Variants in UNC13A observed in about 807,000 individuals in gnomAD.
UNC13A encodes the protein protein unc-13 homolog A.
Under a neutral mutation model 219.7 loss-of-function variants are expected in UNC13A, and 61 were observed. That is an observed-to-expected ratio of 0.28 (90% CI 0.23 to 0.34). The LOEUF is 0.34. Among genes scored for constraint, UNC13A ranks in the 10% least tolerant of loss-of-function variants. The probability of loss-of-function intolerance (pLI) is 1.00; values close to 1 mark genes in which losing one functional copy is unlikely to be tolerated. For synonymous variants in UNC13A, 920 were observed against 884.6 expected (o/e 1.04, Z -0.71); for missense variants, 1,476 against 2,270.3 (o/e 0.65, Z 7.11).
chr19:17,623,205 G>A (rs777224910), intron 36 of UNC13A: 78 of 332,730 alleles, frequency 2.3e-4, no homozygotes, highest in Non-Finnish European at 3.0e-4. Context: ...GCTTCAGGGC[G>A]TCTGGTGACA....
In UNC13A at chr19:17,632,906, GC is replaced by G; in HGVS notation, c.3303del (p.Glu1101AspfsTer14). 6.2e-7 allele frequency: 1 copy of G among 1,613,916 alleles called. No homozygotes were observed. The highest frequency in any genetic ancestry group is 8.5e-7 in the Non-Finnish European group (1 of 1,179,892). ...FAQDMKYAMEEHDKHRLCKSA... is the reference protein window; with the variant it reads ...FAQDMKYAMEXHDKHRLCKSA... The stretch of plus-strand genomic sequence containing the variant: ...CTCTTGCATAGACGATGCTTGTCGT[GC>G]TCTGGCCAGGGACAAAGAGGATGGC... On this transcript the variant is annotated frameshift_variant and splice_region_variant, in exon 28 of 44. Coordinates refer to ENST00000519716, the MANE Select transcript of UNC13A (RefSeq NM_001080421.3). LOFTEE classifies it high-confidence loss of function.
chr19:17,636,548 A>G (rs947329665), intron 25 of UNC13A, among the ~76,000 whole-genome samples: 6 of 152,186 alleles, frequency 3.9e-5, no homozygotes, highest in Admixed American at 2.6e-4. Flanking sequence ...CACTGAATGG[A>G]GTGCAATTCA....
At chr19:17,633,672 T>A (rs2076881236) in intron 26 of UNC13A, among the ~76,000 whole-genome samples, 1 of 152,072 alleles carries the variant, frequency 6.6e-6, no homozygotes, top group African/African-American at 2.4e-5. Context: ...CATCCCTCTA[T>A]CCATTCATTC....
intron 34 of UNC13A, chr19:17,626,430 C>T: frequency 1.8e-6 from 1 of 543,320 alleles, no homozygotes; most frequent in Non-Finnish European, 3.2e-6. Context: ...CATTCATCCA[C>T]ACAAATATTT....
intron 1 of UNC13A, among the ~76,000 whole-genome samples, chr19:17,684,332 C>T (rs1276137912): frequency 6.6e-6 from 1 of 152,162 alleles, no homozygotes; most frequent in African/African-American, 2.4e-5. Flanking sequence ...ATACCCCACT[C>T]CTCAGCTCCC....
At position 17,604,108 on chromosome 19, in the gene UNC13A, A is replaced by G. The variant is rs1245839870; in HGVS notation, c.*1946T>C. The G allele has an allele frequency of 6.6e-6, 1 of 152,162 alleles. No homozygotes were observed. Among genetic ancestry groups the G allele is most frequent in the Non-Finnish European group, 1.5e-5 (1 of 68,042 alleles). The allele number at this position is 152,162 out of a possible 1,614,324, so 9.4% of individuals were successfully genotyped here. A position where few individuals can be genotyped will look rare whatever the true frequency, so the allele number is the denominator to read the frequency against. On this transcript the variant is annotated 3_prime_UTR_variant, in exon 44 of 44. Transcript: ENST00000519716. ...ATTATAGTCATGTCCCCACAGCTAT[A>G]GGTGTCTTTTCAACACAGCCTTCAG... is the stretch of plus-strand genomic sequence containing the variant.
chr19:17,658,127 G>GC lies in UNC13A; in HGVS notation c.701dup (p.Ser235LeufsTer7). ...TGGAGTCACTGTAGGACTCCCGGGA[G>GC]CCCAGGGGTGGTGGGCGAACAGAAT... is the stretch of plus-strand genomic sequence containing the variant. On this transcript the variant is annotated frameshift_variant, in exon 9 of 44. Transcript: ENST00000519716. LOFTEE classifies it high-confidence loss of function. 6.2e-7 allele frequency: 1 copy of GC among 1,613,912 alleles called. No homozygotes were observed. The highest frequency in any genetic ancestry group is 8.5e-7 in the Non-Finnish European group (1 of 1,179,886).
chr19:17,621,268 G>A (rs186049808), intron 37 of UNC13A, among the ~76,000 whole-genome samples: 1 of 152,088 alleles, frequency 6.6e-6, no homozygotes, highest in South Asian at 2.1e-4. Context: ...GGGTGCCTGG[G>A]ACACTGAATG....
chr19:17,641,264 C>T (rs1180574011), intron 21 of UNC13A, 129 bp downstream of exon 21: 21 of 1,186,610 alleles, frequency 1.8e-5, no homozygotes, highest in Middle Eastern at 2.3e-4. Flanking sequence ...AGGGGAATTA[C>T]GGAACCCACC....
At chr19:17,652,517 C>A (rs2079367731) in intron 12 of UNC13A, 114 bp downstream of exon 12, 8 of 1,334,958 alleles carry the variant, frequency 6.0e-6, no homozygotes, top group Middle Eastern at 1.8e-4. Context: ...CTCAATCTGT[C>A]CCCTGTCTAA....
rs150012688 is a variant in UNC13A at position 17,624,273 on chromosome 19, C to T, written c.4197+556G>A. 3.0e-4 allele frequency among the ~76,000 whole-genome samples: 46 copies of T among 152,032 alleles called. No individual in the cohort carries two copies. In the East Asian group the frequency reaches 8.9e-3, roughly 29 times the overall value. ...TCCCAAGAAGCCAGGATCACAGGAT[C>T]ACACCCAGCTAATTTTTGTATTTTT... On this transcript the variant is annotated intron_variant, in intron 35 of 43. Transcript: ENST00000519716.
intron 17 of UNC13A, 72 bp downstream of exon 17, chr19:17,647,193 A>T: frequency 7.2e-7 from 1 of 1,395,342 alleles, no homozygotes; most frequent in African/African-American, 1.4e-5. Flanking sequence ...GGACCAGGCC[A>T]TGGGACAGGG....
rs1436987944 is a variant in UNC13A, at chr19:17,649,664, T to C, written c.1440-77A>G. On this transcript the variant is annotated intron_variant, in intron 12 of 43. Coordinates refer to ENST00000519716, the MANE Select transcript of UNC13A (RefSeq NM_001080421.3). The surrounding 1 kb of genome is among the most constrained non-coding windows in gnomAD (Gnocchi z 4.4). The stretch of plus-strand genomic sequence containing the variant: ...AGAGCCCTGGGGAGAACATTCAACC[T>C]CCCCCAGGTGTTAAGGGGTTGAATT... 2.0e-6 allele frequency: 3 copies of C among 1,528,424 alleles called. No homozygotes were observed. The highest frequency in any genetic ancestry group is 2.7e-6 in the Non-Finnish European group (3 of 1,104,190). The allele number at this position is 1,528,424 out of a possible 1,614,324, so 94.7% of individuals were successfully genotyped here. A position where few individuals can be genotyped will look rare whatever the true frequency, so the allele number is the denominator to read the frequency against.
intron 16 of UNC13A, 41 bp from the exon 17 acceptor site, chr19:17,647,533 GCATAGTGGCCCCT>G (rs2077040418): frequency 1.3e-6 from 2 of 1,581,818 alleles, no homozygotes; most frequent in Non-Finnish European, 1.7e-6. Flanking sequence ...AGCGCGCCCT[GCATAGTGGCCCCT>G]CACCAAGGCG....
chr19:17,633,214 T>C (rs769555653), intron 26 of UNC13A, 21 bp from the exon 27 acceptor site: 9 of 1,612,988 alleles, frequency 5.6e-6, no homozygotes, highest in South Asian at 1.1e-5. Flanking sequence ...CATGGAAGTA[T>C]AAAACTTTGG....
chr19:17,666,448 C>T (rs1011134168), intron 7 of UNC13A, among the ~76,000 whole-genome samples: 2 of 152,114 alleles, frequency 1.3e-5, no homozygotes, highest in Non-Finnish European at 2.9e-5. Context: ...CTCCTGACCT[C>T]GGCTTCCCAA....
At chr19:17,653,348 T>A (rs936752316) in intron 11 of UNC13A, among the ~76,000 whole-genome samples, 8 of 122,658 alleles carry the variant, frequency 6.5e-5, no homozygotes, top group South Asian at 2.7e-4. Flanking sequence ...ATATATATTT[T>A]GTTTGTTTGT....
intron 16 of UNC13A, among the ~76,000 whole-genome samples, chr19:17,647,711 C>A (rs1275376137): frequency 6.6e-6 from 1 of 151,818 alleles, no homozygotes; most frequent in African/African-American, 2.4e-5. Context: ...CTGCGTCCTG[C>A]CCTTCTCTGC....
chr19:17,610,989 C>CACCACAGCGCTCCAACCTGGGCA (rs1407099029), intron 42 of UNC13A, among the ~76,000 whole-genome samples: 45 of 152,210 alleles, frequency 3.0e-4, no homozygotes, highest in African/African-American at 1.1e-3. Context: ...GCTGTGATTG[C>CACCACAGCGCTCCAACCTGGGCA]ACCACAGCGC....
Sources: gnomAD v4.1 joint callset for allele counts (sites outside exome capture counted in the v4.1 genomes callset) on GRCh38, gnomAD v4.1.1 for gene constraint, Gnocchi (gnomAD v3.1) non-coding constraint, MANE v1.5 for transcripts, NCBI Gene and HGNC (gene_info 2026-07-23, HGNC 2026-07-21) for gene names.